RTN4RL2: variants seen among roughly 807,000 people sequenced by gnomAD.
The protein encoded by RTN4RL2 is reticulon 4 receptor like 2.
RTN4RL2 carries 9 observed loss-of-function variants against 27.8 expected under a neutral mutation model. That is an observed-to-expected ratio of 0.32 (90% CI 0.20 to 0.57). The LOEUF is 0.57. Ranked by LOEUF, RTN4RL2 falls within the 20% of genes least tolerant of loss-of-function variation. The probability of loss-of-function intolerance (pLI) is 0.90; values close to 1 mark genes in which losing one functional copy is unlikely to be tolerated. For synonymous variants in RTN4RL2, 285 were observed against 297.9 expected, an observed-to-expected ratio of 0.96 and a Z score of 0.45; for missense variants, 436 against 596.8, an observed-to-expected ratio of 0.73 and a Z score of 2.81.
In RTN4RL2 at chr11:57,467,811, C is replaced by A; in HGVS notation, c.234C>A (p.Gly78=). ...ACCTCATCCGCACGCTGCGGCCAGG[C>A]ACCTTTGGGTCCAACCTGCTCACCC... ...QNNLIRTLRP[G]TFGSNLLTLW... Residue 78 remains glycine, a synonymous_variant, in exon 2 of 3, where the codon GGC becomes GGA. Coordinates refer to ENST00000335099, the MANE Select transcript of RTN4RL2 (RefSeq NM_178570.3). This position sits in a 1 kb window ranked among gnomAD's most constrained non-coding sequence, Gnocchi z 5.5. 1 of 1,614,210 alleles carries A rather than the reference C, an allele frequency of 6.2e-7. No individual in the cohort carries two copies. Among genetic ancestry groups the A allele is most frequent in the Non-Finnish European group, 8.5e-7 (1 of 1,180,042 alleles).
At chr11:57,461,905 G>T (rs1284526836) in intron 1 of RTN4RL2, among the ~76,000 whole-genome samples, 1 of 152,028 alleles carries the variant, frequency 6.6e-6, no homozygotes, top group Non-Finnish European at 1.5e-5. Flanking sequence ...AGGGACTGGG[G>T]ATTGGGGGTG....
intron 1 of RTN4RL2, among the ~76,000 whole-genome samples, chr11:57,465,920 G>A (rs1943519940): frequency 6.6e-6 from 1 of 150,810 alleles, no homozygotes; most frequent in African/African-American, 2.4e-5. Flanking sequence ...GGGAGGCCAA[G>A]GTGGGAGGAT....
intron 2 of RTN4RL2, among the ~76,000 whole-genome samples, chr11:57,472,238 A>T (rs568445390): frequency 2.0e-5 from 3 of 151,698 alleles, no homozygotes; most frequent in African/African-American, 7.3e-5. Flanking sequence ...TGTTTTTGAG[A>T]CAGTCTCACT....
chr11:57,476,760 G>T lies in RTN4RL2; in HGVS notation c.1112G>T (p.Trp371Leu), dbSNP rs754257868. The change falls in exon 3 of 3, where the codon TGG becomes TTG. Residue 371 changes from tryptophan (W) to leucine (L), a missense_variant. Physicochemically the swap from Trp to Leu is moderately conservative, Grantham distance 61. Around this residue, in one of 3 missense-constraint regions of RTN4RL2, gnomAD observed 60 missense variants for 43.0 expected, o/e 1.40. Transcript: ENST00000335099. The surrounding 1 kb of genome is among the most constrained non-coding windows in gnomAD (Gnocchi z 8.2). ...GGDAPTEDDY[W>L]GGYGGEDQRG... is the part of the protein sequence containing the mutation. Reference sequence around the variant, plus strand: ...GACGCGCCTACTGAGGACGACTACTGGGGGGGCTACGGGGGTGAGGACCAG... The same window carrying T: ...GACGCGCCTACTGAGGACGACTACTTGGGGGGCTACGGGGGTGAGGACCAG... The T allele has an allele frequency of 4.6e-5, 67 of 1,468,720 alleles. No individual in the cohort carries two copies. The highest frequency in any genetic ancestry group is 1.8e-4 in the African/African-American group (12 of 67,688). The allele number at this position is 1,468,720 out of a possible 1,614,324, so 91.0% of individuals were successfully genotyped here. A position where few individuals can be genotyped will look rare whatever the true frequency, so the allele number is the denominator to read the frequency against.
At chr11:57,462,156 T>C (rs1943489693) in intron 1 of RTN4RL2, among the ~76,000 whole-genome samples, 1 of 152,026 alleles carries the variant, frequency 6.6e-6, no homozygotes. Context: ...GCCATTTATT[T>C]ATCCGGCCTG....
At chr11:57,472,458 G>C (rs1024445525) in intron 2 of RTN4RL2, among the ~76,000 whole-genome samples, 4 of 151,864 alleles carry the variant, frequency 2.6e-5, no homozygotes, top group African/African-American at 4.8e-5. Context: ...CAATCCACCC[G>C]CCTCGGCCTC....
chr11:57,468,910 C>A (rs1943544734), intron 2 of RTN4RL2: 1 of 793,020 alleles, frequency 1.3e-6, no homozygotes, highest in East Asian at 2.7e-5. Flanking sequence ...GACTGTTTGA[C>A]ACGCAAATCA....
At chr11:57,470,573 T>G (rs1476987236) in intron 2 of RTN4RL2, among the ~76,000 whole-genome samples, 1 of 152,054 alleles carries the variant, frequency 6.6e-6, no homozygotes, top group Non-Finnish European at 1.5e-5. Flanking sequence ...TAAGAAGTTT[T>G]GTAAGGATTA....
intron 2 of RTN4RL2, among the ~76,000 whole-genome samples, chr11:57,469,450 A>T (rs1193396559): frequency 2.7e-5 from 4 of 145,632 alleles, no homozygotes; most frequent in South Asian, 2.2e-4. Context: ...AGCGTGTGAC[A>T]TTTTTTTTTT....
At chr11:57,462,379 C>G (rs145076232) in intron 1 of RTN4RL2, among the ~76,000 whole-genome samples, 2 of 152,160 alleles carry the variant, frequency 1.3e-5, no homozygotes, top group Admixed American at 1.3e-4. Flanking sequence ...AGCATCTGCC[C>G]GCAGGCCCCA....
intron 2 of RTN4RL2, among the ~76,000 whole-genome samples, chr11:57,470,794 C>T (rs1002258696): frequency 1.3e-5 from 2 of 152,142 alleles, no homozygotes; most frequent in Non-Finnish European, 2.9e-5. Flanking sequence ...CTTGAATCCC[C>T]GATCTACTAT....
chr11:57,463,841 C>T (rs1943502278), intron 1 of RTN4RL2, among the ~76,000 whole-genome samples: 1 of 152,000 alleles, frequency 6.6e-6, no homozygotes, highest in African/African-American at 2.4e-5. Context: ...GCACAGCTCT[C>T]TAGTCCCCCA....
At chr11:57,460,981 A>T in intron 1 of RTN4RL2, 85 bp downstream of exon 1, 64 of 662,758 alleles carry the variant, frequency 9.7e-5, no homozygotes, top group Non-Finnish European at 1.3e-4. Flanking sequence ...AGGGTGGGGC[A>T]GTTGGGGAGG....
intron 2 of RTN4RL2, among the ~76,000 whole-genome samples, chr11:57,475,895 C>T (rs994601887): frequency 6.6e-6 from 1 of 152,152 alleles, no homozygotes; most frequent in African/African-American, 2.4e-5. Flanking sequence ...GAAACTCTGC[C>T]CCCCGCCCCA....
chr11:57,465,115 G>A (rs562362606), intron 1 of RTN4RL2, among the ~76,000 whole-genome samples: 1 of 152,272 alleles, frequency 6.6e-6, no homozygotes, highest in South Asian at 2.1e-4. Flanking sequence ...GCAGCACACT[G>A]GGAGTGTGGA....
Position 57,476,129 on chromosome 11 carries a change from C to A in RTN4RL2, c.514-33C>A. 5 of 1,576,004 alleles carry A rather than the reference C, an allele frequency of 3.2e-6. No homozygotes were observed. Among genetic ancestry groups the A allele is most frequent in the Non-Finnish European group, 4.3e-6 (5 of 1,159,034 alleles). On this transcript the variant is annotated intron_variant, in intron 2 of 2. Transcript: ENST00000335099. This position sits in a 1 kb window ranked among gnomAD's most constrained non-coding sequence, Gnocchi z 8.2. The stretch of plus-strand genomic sequence containing the variant: ...GTCTGCACCCTACCTCAGGCCCATT[C>A]TCTTCTTCTGTGCCCCACTCCACCC...
At chr11:57,470,033 AG>A (rs1264412373) in intron 2 of RTN4RL2, among the ~76,000 whole-genome samples, 1 of 152,202 alleles carries the variant, frequency 6.6e-6, no homozygotes, top group Non-Finnish European at 1.5e-5. Flanking sequence ...CCACACACCC[AG>A]GAAGAGCTGG....
chr11:57,470,684 C>G (rs539391061), intron 2 of RTN4RL2, among the ~76,000 whole-genome samples: 4 of 152,210 alleles, frequency 2.6e-5, no homozygotes, highest in Non-Finnish European at 5.9e-5. Flanking sequence ...ATACTGAGAT[C>G]AAATACTACT....
intron 2 of RTN4RL2, among the ~76,000 whole-genome samples, chr11:57,471,243 G>GGA (rs550361829): frequency 7.4e-6 from 1 of 135,240 alleles, no homozygotes; most frequent in Non-Finnish European, 1.6e-5. Flanking sequence ...CTCAAAAAAG[G>GGA]AAAAAAAAAA....
Sources: gnomAD v4.1 joint callset for allele counts (sites outside exome capture counted in the v4.1 genomes callset) on GRCh38, gnomAD v4.1.1 for gene constraint, gnomAD v4.1.1 regional missense constraint, Gnocchi (gnomAD v3.1) non-coding constraint, MANE v1.5 for transcripts, NCBI Gene and HGNC (gene_info 2026-07-23, HGNC 2026-07-21) for gene names.